MSI2: variants seen among roughly 807,000 people sequenced by gnomAD.
The protein encoded by MSI2 is RNA-binding protein Musashi homolog 2.
In MSI2, 17 loss-of-function variants were observed where a neutral mutation model predicts 45.6. The ratio of observed to expected loss-of-function variants is 0.37; its 90% CI spans 0.26 to 0.56. The LOEUF (loss-of-function observed/expected upper bound fraction) is 0.56. MSI2 is among the 20% of genes least tolerant of loss of function. The pLI, the probability that MSI2 is intolerant of heterozygous loss-of-function variation, is 0.77. For synonymous variants in MSI2, 156 were observed against 158.2 expected (o/e 0.99, Z 0.11); for missense variants, 293 against 444.2 (o/e 0.66, Z 3.06).
At position 57,397,310 on chromosome 17, in the gene MSI2, C is replaced by T. The variant is rs1598213987; in HGVS notation, c.313-4069C>T. Among the ~76,000 whole-genome samples the T allele has an allele frequency of 3.3e-5, 5 of 152,320 alleles. No individual in the cohort carries two copies. In the East Asian group the frequency reaches 9.6e-4, roughly 29 times the overall value. On this transcript the variant is annotated intron_variant, in intron 5 of 13. Transcript: ENST00000284073. ...CCGGGGGCCTGCCTTGTCCAGCCTT[C>T]TCACTGTATCCAGGTTTAAAGTTCC...
rs769655579 is a variant in MSI2 at position 57,461,266 on chromosome 17, C to T, written c.405+59795C>T. On this transcript the variant is annotated intron_variant, in intron 6 of 13. Coordinates refer to ENST00000284073, the MANE Select transcript of MSI2 (RefSeq NM_138962.4). ...CACAGACAGCATTTGGCCTGCTCCC[C>T]GAGGGCCACACGGTCATCCTAGGCA... is the stretch of plus-strand genomic sequence containing the variant. Among the ~76,000 whole-genome samples, 7 of 152,178 alleles carry T rather than the reference C, an allele frequency of 4.6e-5. No individual in the cohort carries two copies. The East Asian group carries it at 5.8e-4, about 13-fold the overall frequency.
the MSI2 span, among the ~76,000 whole-genome samples, chr17:57,696,780 G>A: frequency 6.6e-6 from 1 of 152,094 alleles, no homozygotes; most frequent in Non-Finnish European, 1.5e-5. Context: ...TAGGCATTTG[G>A]TCAGTGGGCA....
At chr17:57,502,634 T>TAGAGAGAG (rs2086138305) in intron 6 of MSI2, among the ~76,000 whole-genome samples, 1 of 129,952 alleles carries the variant, frequency 7.7e-6, no homozygotes, top group Non-Finnish European at 1.7e-5. Context: ...TATATATATA[T>TAGAGAGAG]ATAGTCATCA....
At chr17:57,378,156 G>A (rs554727834) in intron 5 of MSI2, among the ~76,000 whole-genome samples, 26 of 152,006 alleles carry the variant, frequency 1.7e-4, no homozygotes, top group South Asian at 2.1e-4. Flanking sequence ...GTCGTGTCCC[G>A]GGCTGGAGTG....
At chr17:57,262,597 A>C (rs933425778) in intron 5 of MSI2, among the ~76,000 whole-genome samples, 4 of 132,054 alleles carry the variant, frequency 3.0e-5, no homozygotes, top group Non-Finnish European at 7.2e-5. Context: ...AGTTTGACTA[A>C]ACAGCTGATC....
At chr17:57,677,904 T>C (rs1381572909) in intron 13 of MSI2, among the ~76,000 whole-genome samples, 1 of 152,220 alleles carries the variant, frequency 6.6e-6, no homozygotes, top group Non-Finnish European at 1.5e-5. Context: ...GGGGTTGTCC[T>C]TGTGAAAGCG....
chr17:57,548,883 CTGTT>C (rs1282774796), intron 7 of MSI2, among the ~76,000 whole-genome samples: 10 of 150,880 alleles, frequency 6.6e-5, no homozygotes, highest in Admixed American at 4.6e-4. Context: ...TTACTTCTCA[CTGTT>C]TGTTTACCCT....
rs192442401 is a variant in MSI2 at position 57,658,041 on chromosome 17, A to G, written c.790+5880A>G. On this transcript the variant is annotated intron_variant, in intron 11 of 13. Coordinates refer to ENST00000284073, the MANE Select transcript of MSI2 (RefSeq NM_138962.4). ...GGAAAATGGATCAATGTGTGCCTTC[A>G]TTTCTGAAGATGGCTTTCCTGTGCT... 5.3e-5 allele frequency among the ~76,000 whole-genome samples: 8 copies of G among 152,258 alleles called. No homozygotes were observed. In the East Asian group the frequency reaches 1.4e-3, roughly 26 times the overall value.
chr17:57,287,010 CAG>C (rs1380398143), intron 5 of MSI2, among the ~76,000 whole-genome samples: 6 of 151,712 alleles, frequency 4.0e-5, no homozygotes, highest in Admixed American at 1.3e-4. Flanking sequence ...GCTCGCGCCG[CAG>C]AGAGTTTTGA....
intron 5 of MSI2, among the ~76,000 whole-genome samples, chr17:57,331,789 A>AT (rs1376349559): frequency 1.3e-5 from 2 of 152,070 alleles, no homozygotes; most frequent in African/African-American, 4.8e-5. Flanking sequence ...TTTACAGAGA[A>AT]TTTTTTTTAA....
intron 8 of MSI2, among the ~76,000 whole-genome samples, chr17:57,598,500 T>C (rs1044625555): frequency 3.3e-5 from 5 of 152,192 alleles, no homozygotes; most frequent in African/African-American, 9.7e-5. Context: ...AAATACTCTT[T>C]TTTTGCGTAC....
Position 57,680,759 on chromosome 17 carries a change from G to C in MSI2, c.*1242G>C, listed in dbSNP as rs1388372761. ...AAAGCACACCTGTTTGGCTTGGGTG[G>C]GGGTGGGGTGGGGGGGACATTCTTT... On this transcript the variant is annotated 3_prime_UTR_variant, in exon 14 of 14. Transcript: ENST00000284073. 1.5e-5 allele frequency: 3 copies of C among 201,850 alleles called. No individual in the cohort carries two copies. Among genetic ancestry groups the C allele is most frequent in the Admixed American group, 1.2e-4 (2 of 16,596 alleles). The allele number at this position is 201,850 out of a possible 1,614,324, so 12.5% of individuals were successfully genotyped here.
chr17:57,594,177 A>G (rs141150947), intron 7 of MSI2, among the ~76,000 whole-genome samples: 2 of 152,346 alleles, frequency 1.3e-5, no homozygotes, highest in African/African-American at 2.4e-5. Context: ...ACCCTCTTGC[A>G]GGGCGCTCTG....
intron 5 of MSI2, among the ~76,000 whole-genome samples, chr17:57,263,034 C>A (rs1267439423): frequency 6.6e-6 from 1 of 152,168 alleles, no homozygotes; most frequent in Non-Finnish European, 1.5e-5. Flanking sequence ...ATTTGTCATT[C>A]TTTTAGGGAA....
rs558641332 is a variant in MSI2, at chr17:57,426,656, G to A, written c.405+25185G>A. On this transcript the variant is annotated intron_variant, in intron 6 of 13. Transcript: ENST00000284073. ...TACCAGGTGCTGAGGTGACTGTGCC[G>A]TGACAGTGTCCCCATCCTCGTGCAG... Among the ~76,000 whole-genome samples, 56 of 152,322 alleles carry A rather than the reference G, an allele frequency of 3.7e-4. 1 individual carries two copies. In the South Asian group the frequency reaches 0.011, roughly 30 times the overall value.
chr17:57,333,662 G>A (rs1914457728), intron 5 of MSI2, among the ~76,000 whole-genome samples: 1 of 151,786 alleles, frequency 6.6e-6, no homozygotes, highest in South Asian at 2.1e-4. Context: ...GCCTGGTCTC[G>A]AACTCCTGAC....
chr17:57,436,582 A>G (rs945510342), intron 6 of MSI2, among the ~76,000 whole-genome samples: 1 of 152,148 alleles, frequency 6.6e-6, no homozygotes, highest in Non-Finnish European at 1.5e-5. Context: ...ATGAAAGTTG[A>G]GAGGTTCAAG....
chr17:57,563,115 A>C (rs991403962), intron 7 of MSI2, among the ~76,000 whole-genome samples: 3 of 151,434 alleles, frequency 2.0e-5, no homozygotes, highest in Non-Finnish European at 4.4e-5. Flanking sequence ...AAAAAAAAAA[A>C]AAAAAACAGT....
At chr17:57,384,368 G>C (rs764094136) in intron 5 of MSI2, among the ~76,000 whole-genome samples, 9 of 152,158 alleles carry the variant, frequency 5.9e-5, no homozygotes, top group Non-Finnish European at 8.8e-5. Context: ...TTCAAAGAAT[G>C]GAGCTCCTAC....
Sources: allele counts gnomAD v4.1 joint callset (sites outside exome capture counted in the v4.1 genomes callset), GRCh38; gene constraint gnomAD v4.1.1; transcripts MANE v1.5; gene names NCBI Gene and HGNC (gene_info 2026-07-23, HGNC 2026-07-21).